Variants in CDK8 observed in about 807,000 individuals in gnomAD.
CDK8 encodes cyclin-dependent kinase 8.
Under a neutral mutation model 71.5 loss-of-function variants are expected in CDK8, and 29 were observed. The ratio of observed to expected loss-of-function variants is 0.41; its 90% CI spans 0.30 to 0.55. The LOEUF is 0.55. CDK8 is among the 20% of genes least tolerant of loss of function. The pLI, the probability that CDK8 is intolerant of heterozygous loss-of-function variation, is 0.37. For synonymous variants in CDK8, 161 were observed against 192.1 expected (o/e 0.84, Z 1.34); for missense variants, 288 against 572.6 (o/e 0.50, Z 5.07).
At chr13:26,257,296 G>A (rs1005750554) in intron 1 of CDK8, among the ~76,000 whole-genome samples, 1 of 152,142 alleles carries the variant, frequency 6.6e-6, no homozygotes, top group African/African-American at 2.4e-5. Flanking sequence ...TATCCTTTCA[G>A]TTGCCCAGTG....
At chr13:26,344,905 T>C (rs1340766032) in intron 2 of CDK8, among the ~76,000 whole-genome samples, 1 of 152,122 alleles carries the variant, frequency 6.6e-6, no homozygotes, top group East Asian at 1.9e-4. Flanking sequence ...ACAATAGTGA[T>C]AAAAAGTGTA....
At chr13:26,363,843 A>G (rs996429230) in intron 4 of CDK8, among the ~76,000 whole-genome samples, 7 of 152,144 alleles carry the variant, frequency 4.6e-5, no homozygotes, top group Admixed American at 3.3e-4. Context: ...CATTGACTCA[A>G]ACTCAGTTTC....
At chr13:26,310,502 C>T (rs758247590) in intron 1 of CDK8, among the ~76,000 whole-genome samples, 42 of 151,918 alleles carry the variant, frequency 2.8e-4, no homozygotes, top group Non-Finnish European at 4.3e-4. Context: ...TGATGGGGGA[C>T]GGTGACAGAT....
intron 1 of CDK8, among the ~76,000 whole-genome samples, chr13:26,305,597 A>G (rs1874009994): frequency 6.6e-6 from 1 of 151,520 alleles, no homozygotes; most frequent in Admixed American, 6.6e-5. Context: ...CGCCCTTCTT[A>G]TTTGTATTGT....
intron 4 of CDK8, among the ~76,000 whole-genome samples, chr13:26,375,619 A>G (rs1396133697): frequency 6.6e-6 from 1 of 152,212 alleles, no homozygotes. Flanking sequence ...CACAAAGTTC[A>G]TTGCAGCATT....
chr13:26,264,163 T>G (rs1871917827), intron 1 of CDK8, among the ~76,000 whole-genome samples: 1 of 152,260 alleles, frequency 6.6e-6, no homozygotes, highest in Non-Finnish European at 1.5e-5. Context: ...GACATACTTG[T>G]AATTTATTTT....
chr13:26,344,637 C>T (rs1224842799), intron 2 of CDK8, among the ~76,000 whole-genome samples: 2 of 151,956 alleles, frequency 1.3e-5, no homozygotes, highest in African/African-American at 4.8e-5. Context: ...TGTGGTGGTG[C>T]ATGCCTGTGG....
chr13:26,391,694 G>A (rs1875752571), intron 6 of CDK8, among the ~76,000 whole-genome samples: 1 of 152,156 alleles, frequency 6.6e-6, no homozygotes, highest in Admixed American at 6.5e-5. Flanking sequence ...ACCTTTCGAT[G>A]ACAAAAACAA....
chr13:26,401,431 C>T lies in CDK8; in HGVS notation c.1111-35C>T, dbSNP rs770400495. ...CCATTGTGGGTATATTTTGTTCTCC[C>T]TCTGAGCTGAACTTTTTCTGTTTAA... is the stretch of plus-strand genomic sequence containing the variant. On this transcript the variant is annotated intron_variant, in intron 11 of 12. Transcript: ENST00000381527. This position sits in a 1 kb window ranked among gnomAD's most constrained non-coding sequence, Gnocchi z 4.5. 7 of 1,613,900 alleles carry T rather than the reference C, an allele frequency of 4.3e-6. No homozygotes were observed. In the South Asian group the frequency reaches 7.7e-5, roughly 18 times the overall value.
At chr13:26,312,624 A>G (rs1874339469) in intron 1 of CDK8, among the ~76,000 whole-genome samples, 1 of 152,072 alleles carries the variant, frequency 6.6e-6, no homozygotes, top group African/African-American at 2.4e-5. Flanking sequence ...CTCCAGACAC[A>G]CCATCTTTAA....
intron 1 of CDK8, among the ~76,000 whole-genome samples, chr13:26,283,701 C>G (rs960621281): frequency 6.6e-6 from 1 of 151,980 alleles, no homozygotes; most frequent in Non-Finnish European, 1.5e-5. Flanking sequence ...AGTTTGAGAC[C>G]AGCCTGGCCA....
intron 1 of CDK8, among the ~76,000 whole-genome samples, chr13:26,307,220 A>C (rs1874085293): frequency 6.6e-6 from 1 of 152,212 alleles, no homozygotes; most frequent in Non-Finnish European, 1.5e-5. Context: ...TTAAAGTTCC[A>C]GATGGAATTA....
intron 6 of CDK8, 150 bp from the exon 7 acceptor site, chr13:26,393,217 T>C (rs1324518734): frequency 1.4e-5 from 8 of 566,930 alleles, no homozygotes; most frequent in African/African-American, 1.1e-4. Flanking sequence ...TAGGAATTAA[T>C]ATGAGTTATT....
At chr13:26,323,485 C>G (rs1874886946) in intron 1 of CDK8, among the ~76,000 whole-genome samples, 1 of 152,096 alleles carries the variant, frequency 6.6e-6, no homozygotes. Flanking sequence ...AGGCCCATAT[C>G]CAAATACCAT....
At chr13:26,340,969 T>C (rs1462893990) in intron 2 of CDK8, among the ~76,000 whole-genome samples, 7 of 152,210 alleles carry the variant, frequency 4.6e-5, no homozygotes, top group African/African-American at 1.7e-4. Context: ...TTGTCAAAAT[T>C]TCCTGTGAGC....
At chr13:26,353,913 A>T in intron 4 of CDK8, 33 bp downstream of exon 4, 5 of 1,594,270 alleles carry the variant, frequency 3.1e-6, no homozygotes, top group Non-Finnish European at 4.3e-6. Context: ...TAAACTAGAA[A>T]GATGCATTAC....
chr13:26,266,014 G>A (rs1872002798), intron 1 of CDK8, among the ~76,000 whole-genome samples: 1 of 152,032 alleles, frequency 6.6e-6, no homozygotes, highest in Non-Finnish European at 1.5e-5. Flanking sequence ...GATGAGGAGG[G>A]AGAAATGATA....
At chr13:26,278,861 T>G (rs1872644531) in intron 1 of CDK8, among the ~76,000 whole-genome samples, 1 of 151,256 alleles carries the variant, frequency 6.6e-6, no homozygotes, top group Non-Finnish European at 1.5e-5. Flanking sequence ...AGTTACAGAC[T>G]TTTTTCTTTT....
chr13:26,271,263 G>T (rs999726894), intron 1 of CDK8, among the ~76,000 whole-genome samples: 5 of 152,042 alleles, frequency 3.3e-5, no homozygotes, highest in African/African-American at 1.2e-4. Flanking sequence ...TAATGACAGG[G>T]ATACTTTCTG....
Sources: allele counts gnomAD v4.1 joint callset (sites outside exome capture counted in the v4.1 genomes callset), GRCh38; gene constraint gnomAD v4.1.1; non-coding constraint Gnocchi (gnomAD v3.1); transcripts MANE v1.5; gene names NCBI Gene and HGNC (gene_info 2026-07-23, HGNC 2026-07-21).